Variants in CLCA2 observed in about 807,000 individuals in gnomAD.
CLCA2 encodes calcium-activated chloride channel regulator 2.
CLCA2 carries 85 observed loss-of-function variants against 82.9 expected under a neutral mutation model. That is an observed-to-expected ratio of 1.03 (90% CI 0.86 to 1.23). The LOEUF (loss-of-function observed/expected upper bound fraction) is 1.23, where lower values mean the gene tolerates loss of function less well. CLCA2 is among the 50% of genes most tolerant of loss of function. CLCA2 has a pLI of 0.00. For synonymous variants in CLCA2, 421 were observed against 391.7 expected, an observed-to-expected ratio of 1.07 and a Z score of -0.88; for missense variants, 1,089 against 1,124.8, an observed-to-expected ratio of 0.97 and a Z score of 0.45.
At chr1:86,432,203 T>G (rs1411652019) in intron 4 of CLCA2, among the ~76,000 whole-genome samples, 166 bp from the exon 5 acceptor site, 1 of 152,146 alleles carries the variant, frequency 6.6e-6, no homozygotes, top group South Asian at 2.1e-4. Context: ...CCCAAAGTAA[T>G]GGGATTACAG....
Position 86,453,575 on chromosome 1 carries a change from C to A in CLCA2, c.2362C>A (p.Pro788Thr). 6.2e-7 allele frequency: 1 copy of A among 1,613,994 alleles called. No individual in the cohort carries two copies. Among genetic ancestry groups the A allele is most frequent in the Non-Finnish European group, 8.5e-7 (1 of 1,179,972 alleles). The change falls in exon 13 of 14, where the codon CCT becomes ACT. Residue 788 changes from proline (P) to threonine (T), a missense_variant. Transcript: ENST00000370565. ...GGAATTGACCCTATCTTGGACAGCA[C>A]CTGGAGAAGACTTTGATCAGGGCCA... Reference protein sequence around the residue: ...EEELTLSWTAPGEDFDQGQAT... With the variant: ...EEELTLSWTATGEDFDQGQAT...
At chr1:86,443,745 T>C (rs1662785445) in intron 9 of CLCA2, 42 bp from the exon 10 acceptor site, 1 of 1,395,348 alleles carries the variant, frequency 7.2e-7, no homozygotes. Flanking sequence ...GGAATGATTA[T>C]GCATACACCA....
chr1:86,434,835 A>G (rs1221071435), intron 6 of CLCA2, 90 bp downstream of exon 6: 1 of 1,079,078 alleles, frequency 9.3e-7, no homozygotes, highest in East Asian at 2.5e-5. Flanking sequence ...TCTGGGGTAC[A>G]TGTGCAGGAC....
At chr1:86,445,819 C>T (rs1662841503) in intron 10 of CLCA2, among the ~76,000 whole-genome samples, 1 of 152,056 alleles carries the variant, frequency 6.6e-6, no homozygotes, top group Non-Finnish European at 1.5e-5. Context: ...AAATACTACC[C>T]TCACAGACGA....
rs763240287 is a variant in CLCA2 at position 86,440,239 on chromosome 1, C to T, written c.1295C>T (p.Thr432Ile). ...DDKLLGNCLP[T>I]VLSSGSTIHS... ...AAGCTTCTTGGCAATTGCTTACCCA[C>T]TGTGCTCAGCAGTGGTTCAACAATT... Residue 432 changes from threonine to isoleucine, a missense_variant, in exon 8 of 14, where the codon ACT becomes ATT. Thr to Ile is a moderately conservative substitution (Grantham distance 89, BLOSUM62 -1). Transcript: ENST00000370565. 6.2e-7 allele frequency: 1 copy of T among 1,614,154 alleles called. No homozygotes were observed. Among genetic ancestry groups the T allele is most frequent in the African/African-American group, 1.3e-5 (1 of 75,058 alleles).
chr1:86,443,765 A>G (rs1419713882), intron 9 of CLCA2, 22 bp from the exon 10 acceptor site: 1 of 1,575,150 alleles, frequency 6.3e-7, no homozygotes, highest in African/African-American at 1.4e-5. Context: ...AGAAACTCTC[A>G]TATATATCTT....
chr1:86,441,194 A>G (rs1662729507), intron 8 of CLCA2, among the ~76,000 whole-genome samples: 1 of 152,158 alleles, frequency 6.6e-6, no homozygotes, highest in Admixed American at 6.5e-5. Context: ...TTGAGTTCTT[A>G]TGTACTGTAC....
chr1:86,454,748 C>T (rs1570270020), intron 13 of CLCA2, among the ~76,000 whole-genome samples: 2 of 152,092 alleles, frequency 1.3e-5, no homozygotes, highest in Non-Finnish European at 2.9e-5. Context: ...GCCAAGATGG[C>T]GCCACTGCAC....
At chr1:86,426,312 A>G (rs1425643742) in intron 2 of CLCA2, among the ~76,000 whole-genome samples, 1 of 152,046 alleles carries the variant, frequency 6.6e-6, no homozygotes, top group African/African-American at 2.4e-5. Context: ...TAACAGAATG[A>G]CTCAAACATG....
rs1662444121 is a variant in CLCA2 at position 86,429,049 on chromosome 1, C to A, written c.475+481C>A. ...GCCAGGTGATGCACTAAAATGGCCA[C>A]ATTTTCAAGTCACCACTCAAGGTTT... On this transcript the variant is annotated intron_variant, in intron 3 of 13. Coordinates refer to ENST00000370565, the MANE Select transcript of CLCA2 (RefSeq NM_006536.7). 1.3e-5 allele frequency among the ~76,000 whole-genome samples: 2 copies of A among 152,118 alleles called. 1 individual carries two copies. Among genetic ancestry groups the A allele is most frequent in the South Asian group, 4.2e-4 (2 of 4,816 alleles).
At chr1:86,431,814 C>A (rs1349368849) in intron 4 of CLCA2, among the ~76,000 whole-genome samples, 10 of 152,102 alleles carry the variant, frequency 6.6e-5, no homozygotes, top group Non-Finnish European at 7.4e-5. Flanking sequence ...GTTGTTAAAG[C>A]CCTTGTTAAT....
chr1:86,425,879 C>G (rs149553470), intron 2 of CLCA2, among the ~76,000 whole-genome samples: 1,631 of 152,196 alleles, frequency 0.011, 16 homozygotes, highest in Middle Eastern at 0.034. Flanking sequence ...AAATATAAAC[C>G]ACCATGCATA....
chr1:86,434,831 G>T (rs1339152468), intron 6 of CLCA2, 86 bp downstream of exon 6: 1 of 1,128,924 alleles, frequency 8.9e-7, no homozygotes, highest in Non-Finnish European at 1.3e-6. Flanking sequence ...AAGTTCTGGG[G>T]TACATGTGCA....
At position 86,424,312 on chromosome 1, in the gene CLCA2, T is replaced by G. The variant is rs1258211516; in HGVS notation, c.65T>G (p.Leu22Ter). Residue 22 changes from leucine to a stop codon, truncating the protein, a stop_gained, in exon 1 of 14, where the codon TTA (leucine) becomes TGA (stop). Transcript: ENST00000370565. LOFTEE classifies it high-confidence loss of function. ...NLKFVTLLVALSSELPFLGAG... is the reference protein window; with the variant it reads ...NLKFVTLLVA ...AAGTTTGTGACTCTCCTGGTTGCCT[T>G]AAGTTCAGAACTCCCATTCCTGGGA... 1 of 1,613,962 alleles carries G rather than the reference T, an allele frequency of 6.2e-7. No homozygotes were observed. Among genetic ancestry groups the G allele is most frequent in the Non-Finnish European group, 8.5e-7 (1 of 1,179,906 alleles).
In CLCA2 at chr1:86,450,926, C is replaced by T. The variant is rs181022316; in HGVS notation, c.2155+193C>T. On this transcript the variant is annotated intron_variant, in intron 12 of 13. Coordinates refer to ENST00000370565, the MANE Select transcript of CLCA2 (RefSeq NM_006536.7). Reference sequence around the variant, plus strand: ...TCATGGTAGGGGGGTAACAGGAAGGCGATAGGTAATGCCCACAGATTATAC... The same window carrying T: ...TCATGGTAGGGGGGTAACAGGAAGGTGATAGGTAATGCCCACAGATTATAC... Among the ~76,000 whole-genome samples the T allele has an allele frequency of 4.5e-4, 68 of 152,258 alleles. No homozygotes were observed. In the South Asian group the frequency reaches 4.6e-3, roughly 10 times the overall value.
intron 12 of CLCA2, among the ~76,000 whole-genome samples, chr1:86,452,551 G>A (rs1662994282): frequency 6.6e-6 from 1 of 152,012 alleles, no homozygotes; most frequent in Non-Finnish European, 1.5e-5. Context: ...CATCTCAAAC[G>A]ACTCTCCTTG....
chr1:86,424,868 C>T (rs182067144), intron 1 of CLCA2, among the ~76,000 whole-genome samples: 133 of 152,206 alleles, frequency 8.7e-4, no homozygotes, highest in African/African-American at 3.0e-3. Flanking sequence ...AGAGTCTGCA[C>T]GGTGGGCCAA....
At chr1:86,432,984 C>T (rs555177743) in intron 5 of CLCA2, among the ~76,000 whole-genome samples, 1 of 152,354 alleles carries the variant, frequency 6.6e-6, no homozygotes, top group East Asian at 1.9e-4. Context: ...ACCAACTCTG[C>T]TTTGCAGAAA....
rs376755493 is a variant in CLCA2, at chr1:86,432,344, T to A, written c.585-25T>A. ...TAAGTGTTTCTAAAATAGACCTAAT[T>A]CCCAGTTTCTCTTTCCATTTTTAGG... On this transcript the variant is annotated intron_variant, in intron 4 of 13. Transcript: ENST00000370565. 3 of 1,610,306 alleles carry A rather than the reference T, an allele frequency of 1.9e-6. No homozygotes were observed. In the African/African-American group the frequency reaches 4.0e-5, roughly 22 times the overall value.
Sources: allele counts gnomAD v4.1 joint callset (sites outside exome capture counted in the v4.1 genomes callset), GRCh38; gene constraint gnomAD v4.1.1; transcripts MANE v1.5; gene names NCBI Gene and HGNC (gene_info 2026-07-23, HGNC 2026-07-21).